Variants in DCDC1 observed in about 807,000 individuals in gnomAD.
DCDC1 encodes the protein doublecortin domain containing 1.
A neutral mutation model predicts 178.3 loss-of-function variants in DCDC1; 200 were observed. That is an observed-to-expected ratio of 1.12 (90% CI 1.00 to 1.26). The LOEUF (loss-of-function observed/expected upper bound fraction) is 1.26. Ranked by LOEUF, DCDC1 falls within the 50% of genes most tolerant of loss-of-function variation. DCDC1 has a pLI of 0.00. For missense variants in DCDC1, 1,983 were observed against 1,749.2 expected (o/e 1.13, Z -2.38); for synonymous variants, 690 against 604.8 (o/e 1.14, Z -2.07).
chr11:31,040,167 C>T (rs903431026), intron 20 of DCDC1, among the ~76,000 whole-genome samples: 3 of 151,932 alleles, frequency 2.0e-5, no homozygotes, highest in Non-Finnish European at 4.4e-5. Flanking sequence ...AAAATAGACA[C>T]AACAGAGCCT....
At chr11:30,985,583 GATA>G (rs1408104420) in intron 20 of DCDC1, among the ~76,000 whole-genome samples, 5 of 152,108 alleles carry the variant, frequency 3.3e-5, no homozygotes, top group Non-Finnish European at 5.9e-5. Flanking sequence ...GCAAACAGAA[GATA>G]GACTATTTTT....
intron 3 of DCDC1, chr11:31,312,708 C>T (rs1452212421): frequency 6.6e-6 from 1 of 152,250 alleles, no homozygotes; most frequent in Non-Finnish European, 1.5e-5. Context: ...TTGGAAACTA[C>T]AGCAATGGCC....
At chr11:31,329,574 G>T (rs1418791034) in intron 2 of DCDC1, among the ~76,000 whole-genome samples, 1 of 152,054 alleles carries the variant, frequency 6.6e-6, no homozygotes. Flanking sequence ...AACAGGCTCT[G>T]GGGTGTGATG....
At chr11:30,915,023 T>C (rs1945734818) in intron 27 of DCDC1, among the ~76,000 whole-genome samples, 1 of 152,172 alleles carries the variant, frequency 6.6e-6, no homozygotes, top group Admixed American at 6.5e-5. Flanking sequence ...GGTTGATATA[T>C]TTGCTAAGAT....
At chr11:30,921,032 T>A in intron 24 of DCDC1, 97 bp from the exon 25 acceptor site, 1 of 1,308,660 alleles carries the variant, frequency 7.6e-7, no homozygotes, top group Non-Finnish European at 1.0e-6. Flanking sequence ...GCAAAATAAT[T>A]CCATCTATTT....
chr11:31,257,781 T>A (rs907277850), intron 8 of DCDC1, among the ~76,000 whole-genome samples: 1 of 151,332 alleles, frequency 6.6e-6, no homozygotes, highest in Non-Finnish European at 1.5e-5. Flanking sequence ...GTGAAGGAGA[T>A]CCATTCAAGT....
chr11:31,168,383 A>C (rs1185015842), intron 9 of DCDC1, among the ~76,000 whole-genome samples: 1 of 152,156 alleles, frequency 6.6e-6, no homozygotes, highest in Non-Finnish European at 1.5e-5. Flanking sequence ...AATATAGATG[A>C]TGTTTTCCAA....
chr11:30,983,747 AC>A (rs1329697225), intron 20 of DCDC1, among the ~76,000 whole-genome samples: 3 of 152,176 alleles, frequency 2.0e-5, no homozygotes, highest in African/African-American at 7.2e-5. Flanking sequence ...TCTTTAAAAA[AC>A]GTGCTTAGAG....
At chr11:31,211,206 ACT>A (rs1972493269) in intron 9 of DCDC1, among the ~76,000 whole-genome samples, 1 of 152,208 alleles carries the variant, frequency 6.6e-6, no homozygotes, top group Non-Finnish European at 1.5e-5. Context: ...TATTTCTCAC[ACT>A]ACATTATTCA....
chr11:31,239,777 AT>A (rs1976892319), intron 9 of DCDC1, among the ~76,000 whole-genome samples: 1 of 151,910 alleles, frequency 6.6e-6, no homozygotes, highest in Admixed American at 6.6e-5. Context: ...ATAATTTAAT[AT>A]TTAATAAAAT....
rs575419299 is a variant in DCDC1 at position 31,135,498 on chromosome 11, AAG to A, written c.1314+2192_1314+2193del. On this transcript the variant is annotated intron_variant, in intron 10 of 38. Transcript: ENST00000684477. Reference sequence around the variant, plus strand: ...TAGTGGTAACAAGGACTTTTCTAAAAAGAGTCTTTTAGATTTTTTCTAACAAA... The same window carrying A: ...TAGTGGTAACAAGGACTTTTCTAAAAAGTCTTTTAGATTTTTTCTAACAAA... Among the ~76,000 whole-genome samples the A allele has an allele frequency of 8.6e-4, 131 of 152,296 alleles. 1 individual carries two copies. Among genetic ancestry groups the A allele is most frequent in the Middle Eastern group, 3.4e-3 (1 of 294 alleles).
intron 9 of DCDC1, among the ~76,000 whole-genome samples, chr11:31,241,068 C>T (rs890593020): frequency 1.5e-4 from 23 of 151,900 alleles, no homozygotes; most frequent in Non-Finnish European, 1.5e-5. Flanking sequence ...TGTATTCTAG[C>T]CCCCATAAAT....
intron 1 of DCDC1, among the ~76,000 whole-genome samples, chr11:31,355,531 T>G (rs1951296866): frequency 6.6e-6 from 1 of 152,134 alleles, no homozygotes; most frequent in Admixed American, 6.6e-5. Context: ...AAAAAAATGT[T>G]TGGTTACTGA....
At chr11:30,876,968 C>T (rs751401949) in intron 38 of DCDC1, among the ~76,000 whole-genome samples, 5 of 151,932 alleles carry the variant, frequency 3.3e-5, no homozygotes, top group Non-Finnish European at 1.5e-5. Flanking sequence ...AAGTCACATG[C>T]AATCTTTTTC....
chr11:31,110,192 T>C, intron 12 of DCDC1, 68 bp downstream of exon 12: 2 of 648,374 alleles, frequency 3.1e-6, no homozygotes, highest in Non-Finnish European at 5.6e-6. Flanking sequence ...TAAGATGTAA[T>C]TGTCTAAATT....
intron 16 of DCDC1, among the ~76,000 whole-genome samples, chr11:31,093,134 A>C (rs977975606): frequency 5.9e-5 from 9 of 152,140 alleles, no homozygotes; most frequent in Admixed American, 5.2e-4. Context: ...GTTAACATAG[A>C]CTCCAGCTGG....
intron 22 of DCDC1, among the ~76,000 whole-genome samples, chr11:30,928,514 T>C (rs1946731156): frequency 3.2e-5 from 1 of 30,974 alleles, no homozygotes; most frequent in African/African-American, 1.3e-4. Flanking sequence ...TTGTGAAATA[T>C]GTTTTTTAAA....
chr11:31,271,956 T>C (rs1383408108), intron 7 of DCDC1, among the ~76,000 whole-genome samples: 1 of 151,920 alleles, frequency 6.6e-6, no homozygotes, highest in African/African-American at 2.4e-5. Flanking sequence ...AGGTCAGGAG[T>C]TTGAGACCAG....
At chr11:31,329,722 C>T (rs979012518) in intron 2 of DCDC1, among the ~76,000 whole-genome samples, 6 of 152,314 alleles carry the variant, frequency 3.9e-5, no homozygotes, top group Non-Finnish European at 8.8e-5. Context: ...CTACAAAGGA[C>T]ATGAACTCAT....
Sources: gnomAD v4.1 joint callset for allele counts (sites outside exome capture counted in the v4.1 genomes callset) on GRCh38, gnomAD v4.1.1 for gene constraint, MANE v1.5 for transcripts, NCBI Gene and HGNC (gene_info 2026-07-23, HGNC 2026-07-21) for gene names.